Variants in KAZN observed in about 807,000 individuals in gnomAD.
KAZN encodes the protein kazrin.
In KAZN, 40 loss-of-function variants were observed where a neutral mutation model predicts 87.4. The observed-to-expected ratio is 0.46, with a 90% CI of 0.36 to 0.60. The LOEUF is 0.60. Ranked by LOEUF, KAZN falls within the 20% of genes least tolerant of loss-of-function variation. The pLI, the probability that KAZN is intolerant of heterozygous loss-of-function variation, is 0.00. For missense variants in KAZN, 898 were observed against 1,073.9 expected (o/e 0.84, Z 2.29); for synonymous variants, 466 against 458.3 (o/e 1.02, Z -0.22).
intron 2 of KAZN, among the ~76,000 whole-genome samples, chr1:14,325,710 AC>A (rs1312700317): frequency 1.3e-5 from 2 of 152,204 alleles, no homozygotes; most frequent in Non-Finnish European, 1.5e-5. Flanking sequence ...AACTCAGCAA[AC>A]TTGACGTGGG....
intron 1 of KAZN, among the ~76,000 whole-genome samples, chr1:14,672,914 C>T (rs1389874922): frequency 6.6e-6 from 1 of 152,330 alleles, no homozygotes; most frequent in East Asian, 1.9e-4. Context: ...CTCTGAGCCA[C>T]AAGCTTCTAC....
chr1:14,966,296 A>C (rs1664450669), intron 2 of KAZN, among the ~76,000 whole-genome samples: 1 of 152,016 alleles, frequency 6.6e-6, no homozygotes. Context: ...GTTATGTTTT[A>C]ATGAGAAGTA....
intron 2 of KAZN, among the ~76,000 whole-genome samples, chr1:14,505,202 C>T (rs1297717977): frequency 6.6e-6 from 1 of 152,204 alleles, no homozygotes; most frequent in Non-Finnish European, 1.5e-5. Context: ...CCATTCTAAA[C>T]TCCCAGAGAA....
intron 1 of KAZN, among the ~76,000 whole-genome samples, chr1:14,108,602 C>T (rs1316068956): frequency 1.3e-5 from 2 of 152,128 alleles, no homozygotes; most frequent in Non-Finnish European, 2.9e-5. Flanking sequence ...GATGGTCATT[C>T]CACTTTCCAA....
intron 2 of KAZN, among the ~76,000 whole-genome samples, chr1:14,394,443 A>G (rs1222106702): frequency 6.6e-6 from 1 of 152,228 alleles, no homozygotes; most frequent in Non-Finnish European, 1.5e-5. Flanking sequence ...AACAACTGAA[A>G]AGCTTTTTTA....
At chr1:14,701,876 G>T (rs145165924) in intron 1 of KAZN, among the ~76,000 whole-genome samples, 3 of 152,090 alleles carry the variant, frequency 2.0e-5, no homozygotes, top group Non-Finnish European at 2.9e-5. Context: ...ATTTCCTTAC[G>T]CACTTCCCCT....
chr1:14,466,686 C>T (rs1280655595), intron 2 of KAZN, among the ~76,000 whole-genome samples: 7 of 149,804 alleles, frequency 4.7e-5, no homozygotes, highest in African/African-American at 1.7e-4. Context: ...GAAGAAGAAA[C>T]GGCCAGGCGC....
At chr1:14,154,707 G>A (rs1013667199) in intron 1 of KAZN, among the ~76,000 whole-genome samples, 1 of 152,144 alleles carries the variant, frequency 6.6e-6, no homozygotes, top group Non-Finnish European at 1.5e-5. Context: ...ATCATGAAGG[G>A]ATGTTAATTT....
chr1:14,585,852 G>A (rs372796025), intron 2 of KAZN, among the ~76,000 whole-genome samples: 1 of 152,150 alleles, frequency 6.6e-6, no homozygotes, highest in Non-Finnish European at 1.5e-5. Flanking sequence ...CCACATCCCC[G>A]AGGGAAGATG....
chr1:14,751,432 C>T (rs758269224), intron 1 of KAZN, among the ~76,000 whole-genome samples: 1 of 152,210 alleles, frequency 6.6e-6, no homozygotes, highest in Non-Finnish European at 1.5e-5. Context: ...GTAGCACTTA[C>T]TCAGCGCTAG....
At chr1:13,972,297 A>T in intron 1 of KAZN, among the ~76,000 whole-genome samples, 1 of 141,166 alleles carries the variant, frequency 7.1e-6, no homozygotes, top group Non-Finnish European at 1.5e-5. Flanking sequence ...TTTTTGAGAC[A>T]CAGTCTTGCT....
intron 2 of KAZN, among the ~76,000 whole-genome samples, chr1:14,473,414 G>A (rs1668555457): frequency 1.3e-5 from 2 of 152,090 alleles, no homozygotes; most frequent in South Asian, 2.1e-4. Context: ...AGATCATGAG[G>A]TCAGGAGTTT....
intron 2 of KAZN, among the ~76,000 whole-genome samples, chr1:14,577,253 C>T (rs931319646): frequency 6.6e-6 from 1 of 152,154 alleles, no homozygotes; most frequent in African/African-American, 2.4e-5. Flanking sequence ...TAAATTGTAT[C>T]GAGATTTTGT....
At chr1:14,313,830 T>C (rs1484475540) in intron 2 of KAZN, among the ~76,000 whole-genome samples, 1 of 152,072 alleles carries the variant, frequency 6.6e-6, no homozygotes, top group Non-Finnish European at 1.5e-5. Flanking sequence ...CATGGGATAG[T>C]GGGATATTAT....
chr1:15,076,056 T>A (rs1018841076), intron 8 of KAZN, among the ~76,000 whole-genome samples: 2 of 152,172 alleles, frequency 1.3e-5, no homozygotes, highest in African/African-American at 4.8e-5. Flanking sequence ...CTGATGTCTG[T>A]GGAGGCGGTG....
At chr1:13,981,095 A>ATATATATATATAAAAG (rs1553181089) in intron 1 of KAZN, among the ~76,000 whole-genome samples, 1 of 104,244 alleles carries the variant, frequency 9.6e-6, no homozygotes, top group Non-Finnish European at 2.0e-5. Flanking sequence ...CTCTTTATAT[A>ATATATATATATAAAAG]TATATATATA....
chr1:14,266,030 G>A (rs1172854374), intron 2 of KAZN, among the ~76,000 whole-genome samples: 1 of 152,186 alleles, frequency 6.6e-6, no homozygotes, highest in African/African-American at 2.4e-5. Flanking sequence ...GATGTGAACA[G>A]CTTTGTTTCT....
intron 1 of KAZN, among the ~76,000 whole-genome samples, chr1:14,017,311 A>G (rs1337581944): frequency 2.6e-5 from 4 of 152,212 alleles, no homozygotes; most frequent in Admixed American, 2.0e-4. Flanking sequence ...CTGTGTCCAT[A>G]AACATTTGCC....
At chr1:14,508,413 G>C (rs59199665) in intron 2 of KAZN, among the ~76,000 whole-genome samples, 6 of 152,040 alleles carry the variant, frequency 3.9e-5, no homozygotes, top group African/African-American at 1.4e-4. Flanking sequence ...CTTCTTATTA[G>C]GCTCGCAGAT....
Sources: allele counts gnomAD v4.1 joint callset (sites outside exome capture counted in the v4.1 genomes callset), GRCh38; gene constraint gnomAD v4.1.1; transcripts MANE v1.5; gene names NCBI Gene and HGNC (gene_info 2026-07-23, HGNC 2026-07-21).